SOD2: variants seen among roughly 807,000 people sequenced by gnomAD.
SOD2 encodes superoxide dismutase 2.
In SOD2, 11 loss-of-function variants were observed where a neutral mutation model predicts 27.0. That is an observed-to-expected ratio of 0.41 (90% CI 0.26 to 0.67). The LOEUF is 0.67. SOD2 is among the 30% of genes least tolerant of loss of function. The pLI, the probability that SOD2 is intolerant of heterozygous loss-of-function variation, is 0.34. For missense variants in SOD2, 250 were observed against 274.5 expected, an observed-to-expected ratio of 0.91 and a Z score of 0.63; for synonymous variants, 105 against 103.0, an observed-to-expected ratio of 1.02 and a Z score of -0.12.
intron 1 of SOD2, among the ~76,000 whole-genome samples, chr6:159,701,661 G>A (rs1777525382): frequency 6.6e-6 from 1 of 151,962 alleles, no homozygotes; most frequent in Non-Finnish European, 1.5e-5. Flanking sequence ...TGACCTATTG[G>A]GCAATAAAGG....
chr6:159,727,016 G>GC lies in SOD2; in HGVS notation c.-116+112dup, dbSNP rs372692354. The GC allele has an allele frequency of 1.3e-4, 163 of 1,242,898 alleles. No individual in the cohort carries two copies. In the African/African-American group the frequency reaches 1.5e-3, roughly 11 times the overall value. The allele number at this position is 1,242,898 out of a possible 1,614,324, so 77.0% of individuals were successfully genotyped here. ...CGCCCAGATCCCTCCGCACGAGGCAGCCCCGCAGCCGCAGGTGGCCCCGGC... is the reference window on the plus strand; with the variant it reads ...CGCCCAGATCCCTCCGCACGAGGCAGCCCCCGCAGCCGCAGGTGGCCCCGGC... On this transcript the variant is annotated intron_variant, in intron 1 of 2. Transcript: ENST00000401980.
At chr6:159,755,591 G>A (rs1562469328) in intron 1 of SOD2, 5 of 1,610,730 alleles carry the variant, frequency 3.1e-6, no homozygotes, top group Non-Finnish European at 4.2e-6. Flanking sequence ...AAGTGTAAAT[G>A]TACAGGGTTC....
intron 1 of SOD2, among the ~76,000 whole-genome samples, chr6:159,732,543 A>C (rs1778638085): frequency 6.6e-6 from 1 of 152,228 alleles, no homozygotes; most frequent in Non-Finnish European, 1.5e-5. Flanking sequence ...TTTAAATTAA[A>C]AATATTATTG....
At chr6:159,730,734 A>G (rs765901813), upstream of SOD2, among the ~76,000 whole-genome samples, 1 of 152,340 alleles carries the variant, frequency 6.6e-6, no homozygotes, top group Admixed American at 6.5e-5. Context: ...AGACAGCTAG[A>G]GTGATCTTAA....
At chr6:159,696,405 C>A (rs1777422233), upstream of SOD2, among the ~76,000 whole-genome samples, 1 of 152,078 alleles carries the variant, frequency 6.6e-6, no homozygotes, top group Non-Finnish European at 1.5e-5. Flanking sequence ...CTGCAACCTC[C>A]ACCTCCTGAG....
intron 1 of SOD2, chr6:159,755,428 T>A: frequency 6.2e-7 from 1 of 1,613,808 alleles, no homozygotes; most frequent in Non-Finnish European, 8.5e-7. Flanking sequence ...GTGCGGGGTA[T>A]GAAAGTGTAG....
chr6:159,727,086 C>T, intron 1 of SOD2: 1 of 1,197,256 alleles, frequency 8.4e-7, no homozygotes, highest in Non-Finnish European at 1.1e-6. Flanking sequence ...GGGCTGACCT[C>T]CGACCTCGCT....
chr6:159,692,629 GA>G, intron 2 of SOD2, 31 bp downstream of exon 2: 2 of 1,610,312 alleles, frequency 1.2e-6, no homozygotes, highest in Non-Finnish European at 1.7e-6. Flanking sequence ...CTCTGCCGGG[GA>G]CTGCCTCCCG....
intron 1 of SOD2, among the ~76,000 whole-genome samples, chr6:159,724,651 G>C (rs1002721030): frequency 3.9e-5 from 6 of 152,028 alleles, no homozygotes; most frequent in Non-Finnish European, 5.9e-5. Context: ...TTGAGCCCAG[G>C]AGTTCAAGAC....
intron 1 of SOD2, among the ~76,000 whole-genome samples, chr6:159,754,081 T>A (rs567465717): frequency 6.6e-6 from 1 of 152,252 alleles, no homozygotes; most frequent in South Asian, 2.1e-4. Flanking sequence ...ATAAAACTTG[T>A]CAGCCTCCAT....
chr6:159,701,892 G>A (rs971471929), intron 1 of SOD2, among the ~76,000 whole-genome samples: 15 of 152,262 alleles, frequency 9.9e-5, no homozygotes, highest in South Asian at 4.2e-4. Context: ...TCTTGCCAGA[G>A]GATCACCCAC....
At chr6:159,683,447 T>C (rs1254539361) in intron 4 of SOD2, among the ~76,000 whole-genome samples, 1 of 152,184 alleles carries the variant, frequency 6.6e-6, no homozygotes, top group Non-Finnish European at 1.5e-5. Context: ...ATTGCGCCAC[T>C]GCACTCCAGC....
In SOD2 at chr6:159,712,150, AG is replaced by A. The variant is rs1303949451; in HGVS notation, c.-116+14978del. Among the ~76,000 whole-genome samples the A allele has an allele frequency of 1.5e-4, 5 of 34,020 alleles. 1 individual carries two copies. The highest frequency in any genetic ancestry group is 1.9e-4 in the Non-Finnish European group (2 of 10,458). 22.3% of individuals were successfully genotyped at this position (34,020 alleles called of 152,430 possible). ...ATAACCACCTCCATAACCACCACTCAGCTGCTCTGACCACCATAACCACCTC... is the reference window on the plus strand; with the variant it reads ...ATAACCACCTCCATAACCACCACTCACTGCTCTGACCACCATAACCACCTC... On this transcript the variant is annotated intron_variant, in intron 1 of 2. Transcript: ENST00000401980.
At chr6:159,727,360 C>T (rs1267374356), upstream of SOD2, 10 of 795,454 alleles carry the variant, frequency 1.3e-5, no homozygotes, top group East Asian at 8.3e-5. Flanking sequence ...GCGAACATGG[C>T]GGAGCGGGGA....
chr6:159,732,886 AGTGTGTGTGT>A (rs67554039), intron 1 of SOD2, among the ~76,000 whole-genome samples: 2,732 of 146,478 alleles, frequency 0.019, 73 homozygotes, highest in African/African-American at 0.062. Flanking sequence ...ATATATATAT[AGTGTGTGTGT>A]GTGTGTGTGT....
At chr6:159,729,542 TTTATGTTCATA>T (rs1778437693), upstream of SOD2, among the ~76,000 whole-genome samples, 1 of 151,540 alleles carries the variant, frequency 6.6e-6, no homozygotes. Flanking sequence ...GAAGTTGCCT[TTTATGTTCATA>T]TTATGTTCAT....
chr6:159,738,977 A>G, intron 1 of SOD2: 1 of 1,602,492 alleles, frequency 6.2e-7, no homozygotes, highest in Non-Finnish European at 8.5e-7. Context: ...TCATATTGTA[A>G]TTCTCTTTAT....
chr6:159,696,708 T>C (rs1456382214), upstream of SOD2, among the ~76,000 whole-genome samples: 1 of 152,142 alleles, frequency 6.6e-6, no homozygotes, highest in African/African-American at 2.4e-5. Context: ...GGTACAAGGC[T>C]ACCTAGCACA....
exon 1 of SOD2, chr6:159,762,253 G>C: frequency 7.2e-7 from 1 of 1,386,026 alleles, no homozygotes; most frequent in Non-Finnish European, 9.6e-7. Flanking sequence ...AGCCGGTCAG[G>C]CCAAGCCGCG....
Sources: allele counts gnomAD v4.1 joint callset (sites outside exome capture counted in the v4.1 genomes callset), GRCh38; gene constraint gnomAD v4.1.1; transcripts MANE v1.5; gene names NCBI Gene and HGNC (gene_info 2026-07-23, HGNC 2026-07-21).